The following STK4 variants were observed in gnomAD, a reference collection of about 807,000 sequenced individuals.
STK4 encodes serine/threonine-protein kinase 4.
STK4 carries 30 observed loss-of-function variants against 64.9 expected under a neutral mutation model. The observed-to-expected ratio is 0.46, with a 90% CI of 0.35 to 0.63. STK4 has a LOEUF of 0.63. Ranked by LOEUF, STK4 falls within the 20% of genes least tolerant of loss-of-function variation. The probability of loss-of-function intolerance (pLI) is 0.01; values close to 1 mark genes in which losing one functional copy is unlikely to be tolerated. For synonymous variants in STK4, 177 were observed against 199.0 expected (o/e 0.89, Z 0.93); for missense variants, 466 against 598.5 (o/e 0.78, Z 2.31).
intron 10 of STK4, among the ~76,000 whole-genome samples, chr20:45,059,798 T>G (rs1978836273): frequency 6.6e-6 from 1 of 152,220 alleles, no homozygotes; most frequent in Non-Finnish European, 1.5e-5. Flanking sequence ...TTTTTCCTTG[T>G]AATTTTATTG....
intron 3 of STK4, among the ~76,000 whole-genome samples, chr20:44,980,688 C>T (rs138839670): frequency 2.3e-3 from 355 of 152,120 alleles, no homozygotes; most frequent in African/African-American, 7.0e-3. Context: ...TTTTTTGAGA[C>T]GGAGTCTCCT....
At chr20:44,987,382 TACTTG>T in intron 5 of STK4, 86 bp downstream of exon 5, 1 of 1,288,516 alleles carries the variant, frequency 7.8e-7, no homozygotes, top group Non-Finnish European at 1.1e-6. Context: ...TAAAATATAA[TACTTG>T]ACTTAATTGT....
chr20:44,978,588 T>C lies in STK4; in HGVS notation c.245+17T>C. 2 of 1,612,710 alleles carry C rather than the reference T, an allele frequency of 1.2e-6. No homozygotes were observed. The highest frequency in any genetic ancestry group is 1.7e-6 in the Non-Finnish European group (2 of 1,179,428). On this transcript the variant is annotated intron_variant, in intron 3 of 10. Transcript: ENST00000372806. ...ATGTGACAGGTAAAGGCATGTGGGC[T>C]TCCTTTGGGGAGAATGTGGTTTTGA...
intron 1 of STK4, chr20:44,967,246 A>G: frequency 1.0e-6 from 1 of 985,028 alleles, no homozygotes; most frequent in Non-Finnish European, 1.2e-6. Flanking sequence ...CATCCTCCTC[A>G]GCTCTTCAGA....
chr20:44,975,471 A>G, intron 2 of STK4: 1 of 615,258 alleles, frequency 1.6e-6, no homozygotes, highest in African/African-American at 2.0e-5. Flanking sequence ...TTTCTAATAT[A>G]TAAGAATAAT....
chr20:45,002,228 C>A (rs1188341764), intron 9 of STK4, among the ~76,000 whole-genome samples: 2 of 152,204 alleles, frequency 1.3e-5, no homozygotes, highest in Non-Finnish European at 2.9e-5. Context: ...TGTAATACAA[C>A]TAGGCCAACC....
intron 9 of STK4, among the ~76,000 whole-genome samples, chr20:45,013,489 A>G (rs1041708460): frequency 6.6e-6 from 1 of 152,098 alleles, no homozygotes; most frequent in African/African-American, 2.4e-5. Flanking sequence ...TGCTTGTGCT[A>G]TACACATTTA....
chr20:45,002,933 A>T (rs1402624936), intron 9 of STK4, among the ~76,000 whole-genome samples: 1 of 152,136 alleles, frequency 6.6e-6, no homozygotes, highest in African/African-American at 2.4e-5. Flanking sequence ...TAACTCTAGA[A>T]AATAGTAAAA....
intron 10 of STK4, among the ~76,000 whole-genome samples, chr20:45,056,462 G>C (rs993062834): frequency 1.3e-5 from 2 of 152,034 alleles, no homozygotes; most frequent in Non-Finnish European, 2.9e-5. Flanking sequence ...TCCATTGTAT[G>C]GATATTACCA....
At chr20:45,068,767 C>A (rs1287681988) in intron 10 of STK4, among the ~76,000 whole-genome samples, 2 of 152,148 alleles carry the variant, frequency 1.3e-5, no homozygotes, top group Non-Finnish European at 2.9e-5. Context: ...AATGATGATA[C>A]CTACCTTACA....
chr20:45,000,295 T>C lies in STK4; in HGVS notation c.832-97T>C, dbSNP rs1055439307. ...AGAAAGATCAGATTCGTTGATTGAT[T>C]CAACACATGTTATCCAGTACCTACT... On this transcript the variant is annotated intron_variant, in intron 7 of 10. Coordinates refer to ENST00000372806, the MANE Select transcript of STK4 (RefSeq NM_006282.5). 7.0e-6 allele frequency: 10 copies of C among 1,422,016 alleles called. No homozygotes were observed. The Admixed American group carries it at 9.8e-5, about 14-fold the overall frequency. The allele number at this position is 1,422,016 out of a possible 1,614,324, so 88.1% of individuals were successfully genotyped here. A position where few individuals can be genotyped will look rare whatever the true frequency, so the allele number is the denominator to read the frequency against.
In STK4 at chr20:44,995,511, C is replaced by T. The variant is rs1358974575; in HGVS notation, c.693+254C>T. Among the ~76,000 whole-genome samples the T allele has an allele frequency of 2.4e-4, 34 of 142,070 alleles. No homozygotes were observed. The Admixed American group carries it at 2.4e-3, about 10-fold the overall frequency. 93.2% of individuals were successfully genotyped at this position (142,070 alleles called of 152,430 possible). ...ATCCCAGCTGCTTGGGAGACTGAGG[C>T]ATGAGAATCACTTGAACCCCAGAGG... On this transcript the variant is annotated intron_variant, in intron 6 of 10. Transcript: ENST00000372806.
chr20:44,988,937 T>TTAA (rs2067586074), intron 5 of STK4, among the ~76,000 whole-genome samples: 1 of 152,184 alleles, frequency 6.6e-6, no homozygotes, highest in Admixed American at 6.5e-5. Context: ...GTTTTTGAGT[T>TTAA]CATCCATGTT....
chr20:45,029,277 C>G (rs1160608334), intron 10 of STK4, among the ~76,000 whole-genome samples: 1 of 152,106 alleles, frequency 6.6e-6, no homozygotes, highest in Admixed American at 6.5e-5. Flanking sequence ...ACCTACTTCA[C>G]TCATTTGTAT....
chr20:45,074,616 C>T (rs754869081), intron 10 of STK4, among the ~76,000 whole-genome samples: 5 of 152,060 alleles, frequency 3.3e-5, no homozygotes, highest in Non-Finnish European at 7.4e-5. Context: ...TCCAGATAGA[C>T]GCTTATCTCG....
At chr20:45,014,075 G>T (rs2068098796) in intron 9 of STK4, among the ~76,000 whole-genome samples, 1 of 151,950 alleles carries the variant, frequency 6.6e-6, no homozygotes, top group Non-Finnish European at 1.5e-5. Context: ...TAAAGCAGAA[G>T]AATTTCTTCT....
chr20:45,038,829 G>GTT (rs570812997), intron 10 of STK4, among the ~76,000 whole-genome samples: 92 of 151,866 alleles, frequency 6.1e-4, no homozygotes, highest in African/African-American at 2.2e-3. Flanking sequence ...CATTAATGTA[G>GTT]TTTTTTTCAA....
At chr20:45,011,738 T>A (rs865779786) in intron 9 of STK4, among the ~76,000 whole-genome samples, 3,100 of 130,604 alleles carry the variant, frequency 0.024, 80 homozygotes, top group Non-Finnish European at 0.031. Context: ...TATTTTTTTT[T>A]TTTTTTTTAA....
At chr20:44,998,354 C>T (rs971107463) in intron 7 of STK4, among the ~76,000 whole-genome samples, 2 of 152,146 alleles carry the variant, frequency 1.3e-5, no homozygotes, top group Admixed American at 6.5e-5. Flanking sequence ...AATGGGGATA[C>T]AGTACCTGCC....
Sources: gnomAD v4.1 joint callset for allele counts (sites outside exome capture counted in the v4.1 genomes callset) on GRCh38, gnomAD v4.1.1 for gene constraint, MANE v1.5 for transcripts, NCBI Gene and HGNC (gene_info 2026-07-23, HGNC 2026-07-21) for gene names.